Variants in PYROXD1 observed in about 807,000 individuals in gnomAD.
PYROXD1 encodes pyridine nucleotide-disulphide oxidoreductase domain 1.
A neutral mutation model predicts 62.0 loss-of-function variants in PYROXD1; 42 were observed. The ratio of observed to expected loss-of-function variants is 0.68; its 90% confidence interval spans 0.53 to 0.88. The LOEUF (loss-of-function observed/expected upper bound fraction) is 0.88, where lower values mean the gene tolerates loss of function less well. Among genes scored for constraint, PYROXD1 ranks in the 40% least tolerant of loss-of-function variants. The probability of loss-of-function intolerance (pLI) is 0.00; values close to 1 mark genes in which losing one functional copy is unlikely to be tolerated. For missense variants in PYROXD1, 493 were observed against 604.8 expected, an observed-to-expected ratio of 0.82 and a Z score of 1.94; for synonymous variants, 170 against 206.4, an observed-to-expected ratio of 0.82 and a Z score of 1.51.
chr12:21,442,557 A>G (rs184889083), intron 2 of PYROXD1, among the ~76,000 whole-genome samples: 3 of 152,198 alleles, frequency 2.0e-5, no homozygotes, highest in Non-Finnish European at 2.9e-5. Flanking sequence ...TGGGCCCAGT[A>G]TGGGCCGTAG....
At chr12:21,466,351 G>A (rs1271469852) in intron 10 of PYROXD1, among the ~76,000 whole-genome samples, 5 of 151,160 alleles carry the variant, frequency 3.3e-5, no homozygotes, top group Middle Eastern at 3.4e-3. Context: ...ATTGAGCAGT[G>A]GTTTGTAGTT....
At chr12:21,449,763 T>G in intron 4 of PYROXD1, 72 bp downstream of exon 4, 1 of 1,358,448 alleles carries the variant, frequency 7.4e-7, no homozygotes, top group East Asian at 2.4e-5. Flanking sequence ...AGTGTTCCAC[T>G]TACAATTCCT....
At chr12:21,466,368 G>C (rs1182970987) in intron 10 of PYROXD1, among the ~76,000 whole-genome samples, 2 of 151,310 alleles carry the variant, frequency 1.3e-5, no homozygotes, top group Non-Finnish European at 3.0e-5. Context: ...AGTTCTCCTT[G>C]AAGAGGTCCT....
intron 1 of PYROXD1, among the ~76,000 whole-genome samples, chr12:21,439,357 C>A (rs1043056553): frequency 6.6e-6 from 1 of 152,064 alleles, no homozygotes; most frequent in African/African-American, 2.4e-5. Context: ...TTTTGAGGAC[C>A]TCATCTAGCA....
At chr12:21,442,604 C>T (rs1408588480) in intron 2 of PYROXD1, among the ~76,000 whole-genome samples, 4 of 151,360 alleles carry the variant, frequency 2.6e-5, no homozygotes, top group African/African-American at 9.8e-5. Context: ...TCAGAGTGAC[C>T]ATGGCCCTGG....
chr12:21,457,811 A>ATCCAGTCACCTCCCACCACGCCGTACC (rs1942626360), intron 7 of PYROXD1, among the ~76,000 whole-genome samples: 1 of 149,084 alleles, frequency 6.7e-6, no homozygotes, highest in African/African-American at 2.5e-5. Context: ...TGTCCCCATG[A>ATCCAGTCACCTCCCACCACGCCGTACC]TCCAGTCACC....
chr12:21,438,020 TG>T (rs1202784341), intron 1 of PYROXD1: 1 of 586,600 alleles, frequency 1.7e-6, no homozygotes, highest in Non-Finnish European at 3.0e-6. Flanking sequence ...CAGGGAGGAG[TG>T]GGAGGCAAAT....
intron 3 of PYROXD1, chr12:21,448,302 C>T: frequency 3.0e-6 from 1 of 332,458 alleles, no homozygotes; most frequent in Non-Finnish European, 5.8e-6. Context: ...GAGTGTGTGG[C>T]TCACTTCCGT....
intron 11 of PYROXD1, among the ~76,000 whole-genome samples, chr12:21,468,016 G>GT (rs1220847789): frequency 4.6e-5 from 5 of 108,704 alleles, no homozygotes; most frequent in Non-Finnish European, 9.9e-5. Flanking sequence ...GGTTGTTTTG[G>GT]GTTTTTTTTT....
At chr12:21,440,738 T>A (rs893154411) in intron 2 of PYROXD1, among the ~76,000 whole-genome samples, 1 of 152,218 alleles carries the variant, frequency 6.6e-6, no homozygotes, top group Non-Finnish European at 1.5e-5. Context: ...GGCATCCTTG[T>A]GTTGTTCTTG....
chr12:21,467,291 A>G (rs1942814671), intron 10 of PYROXD1, 190 bp from the exon 11 acceptor site: 2 of 468,492 alleles, frequency 4.3e-6, no homozygotes, highest in South Asian at 4.7e-5. Flanking sequence ...TTTTAGAGGC[A>G]GTAATTTAGA....
At chr12:21,456,940 A>G in intron 7 of PYROXD1, 1 of 440,882 alleles carries the variant, frequency 2.3e-6, no homozygotes, top group Non-Finnish European at 4.5e-6. Flanking sequence ...ATGAGAAACA[A>G]CAACTCATCT....
Position 21,441,053 on chromosome 12 carries a change from C to T in PYROXD1, c.165+605C>T, listed in dbSNP as rs1942284223. Among the ~76,000 whole-genome samples the T allele has an allele frequency of 2.0e-5, 3 of 152,156 alleles. No homozygotes were observed. The South Asian group carries it at 6.2e-4, about 32-fold the overall frequency. ...ATTGCTTTTTTTTGAGATGGAGTCT[C>T]ACCCTGTTGCCCAGACTGGAGTGCA... On this transcript the variant is annotated intron_variant, in intron 2 of 11. Coordinates refer to ENST00000240651, the MANE Select transcript of PYROXD1 (RefSeq NM_024854.5).
intron 2 of PYROXD1, among the ~76,000 whole-genome samples, chr12:21,442,306 C>T (rs529410991): frequency 2.0e-5 from 3 of 152,218 alleles, no homozygotes; most frequent in African/African-American, 4.8e-5. Flanking sequence ...TGCAGGTACC[C>T]GTACTGCTAT....
chr12:21,464,879 C>T (rs1942763814), intron 10 of PYROXD1, among the ~76,000 whole-genome samples: 1 of 152,120 alleles, frequency 6.6e-6, no homozygotes, highest in Non-Finnish European at 1.5e-5. Flanking sequence ...TCCATGTGTT[C>T]TCATTGTTCA....
At chr12:21,448,632 G>A (rs1942436504) in intron 3 of PYROXD1, among the ~76,000 whole-genome samples, 1 of 152,180 alleles carries the variant, frequency 6.6e-6, no homozygotes, top group Non-Finnish European at 1.5e-5. Flanking sequence ...AGTTATAAAT[G>A]TCTCATTGGA....
intron 10 of PYROXD1, among the ~76,000 whole-genome samples, chr12:21,465,087 G>A (rs1942768039): frequency 6.6e-6 from 1 of 152,106 alleles, no homozygotes; most frequent in African/African-American, 2.4e-5. Flanking sequence ...CATTTGGGTT[G>A]GTTCCAAGTC....
chr12:21,463,002 A>T (rs939591019), intron 10 of PYROXD1, 140 bp downstream of exon 10: 79 of 669,642 alleles, frequency 1.2e-4, no homozygotes, highest in Admixed American at 7.5e-4. Flanking sequence ...TATATATTTA[A>T]AAAAAAAACT....
At chr12:21,456,177 T>C (rs1942593073) in intron 7 of PYROXD1, 82 bp downstream of exon 7, 1 of 869,874 alleles carries the variant, frequency 1.1e-6, no homozygotes, top group Non-Finnish European at 1.8e-6. Flanking sequence ...GTAATAAATA[T>C]ATAGTCAACG....
Sources: gnomAD v4.1 joint callset for allele counts (sites outside exome capture counted in the v4.1 genomes callset) on GRCh38, gnomAD v4.1.1 for gene constraint, MANE v1.5 for transcripts, NCBI Gene and HGNC (gene_info 2026-07-23, HGNC 2026-07-21) for gene names.